Variants in IFNGR1 observed in about 807,000 individuals in gnomAD.
The protein encoded by IFNGR1 is AVP, type 2.
IFNGR1 carries 23 observed loss-of-function variants against 35.4 expected under a neutral mutation model. The ratio of observed to expected loss-of-function variants is 0.65; its 90% CI spans 0.47 to 0.92. IFNGR1 has a LOEUF of 0.92. Among genes scored for constraint, IFNGR1 ranks in the 40% least tolerant of loss-of-function variants. The pLI, the probability that IFNGR1 is intolerant of heterozygous loss-of-function variation, is 0.00. For synonymous variants in IFNGR1, 199 were observed against 209.5 expected (o/e 0.95, Z 0.43); for missense variants, 533 against 583.4 (o/e 0.91, Z 0.89).
chr6:137,210,097 T>A (rs1779539904), intron 1 of IFNGR1: 1 of 365,556 alleles, frequency 2.7e-6, no homozygotes, highest in South Asian at 1.5e-4. Flanking sequence ...ACACCTGTAA[T>A]CCCAGCATTT....
intron 5 of IFNGR1, among the ~76,000 whole-genome samples, chr6:137,202,909 A>G (rs1247150355): frequency 6.6e-6 from 1 of 152,168 alleles, no homozygotes; most frequent in African/African-American, 2.4e-5. Context: ...GACACCTGAG[A>G]GTAACAGTTC....
At chr6:137,215,437 A>T in intron 1 of IFNGR1, 6 of 1,057,122 alleles carry the variant, frequency 5.7e-6, no homozygotes, top group African/African-American at 1.6e-5. Context: ...CAAGACCTAA[A>T]CAGATACCTA....
chr6:137,215,983 T>A (rs1028703452), intron 1 of IFNGR1, among the ~76,000 whole-genome samples: 35 of 152,226 alleles, frequency 2.3e-4, no homozygotes, highest in African/African-American at 8.4e-4. Flanking sequence ...ATTACAGGCA[T>A]GAGCCACTGC....
chr6:137,200,798 T>C, intron 6 of IFNGR1, 83 bp downstream of exon 6: 1 of 1,176,912 alleles, frequency 8.5e-7, no homozygotes, highest in Non-Finnish European at 1.2e-6. Context: ...AATATCATTC[T>C]ACTTTAAAAA....
rs1347147642 is a variant in IFNGR1, at chr6:137,198,114, G to A, written c.1387C>T (p.Leu463=). 1 of 1,614,020 alleles carries A rather than the reference G, an allele frequency of 6.2e-7. No individual in the cohort carries two copies. The highest frequency in any genetic ancestry group is 1.3e-5 in the African/African-American group (1 of 74,906). The change falls in exon 7 of 7, where the codon CTA becomes TTA. Residue 463 remains leucine, a synonymous_variant. Coordinates refer to ENST00000367739, the MANE Select transcript of IFNGR1 (RefSeq NM_000416.3). The part of the protein sequence containing the change: ...TSFGYDKPHV[L]VDLLVDDSGK... The stretch of plus-strand genomic sequence containing the variant: ...CTATCATCCACAAGTAGATCCACTA[G>A]CACATGTGGTTTATCATAACCAAAG...
intron 6 of IFNGR1, among the ~76,000 whole-genome samples, chr6:137,199,768 T>C (rs1779233431): frequency 6.7e-6 from 1 of 150,370 alleles, no homozygotes; most frequent in Non-Finnish European, 1.5e-5. Flanking sequence ...ATCATTATAA[T>C]TTTTAGTAGC....
chr6:137,198,895 GT>G (rs1170808045), intron 6 of IFNGR1, among the ~76,000 whole-genome samples: 2 of 152,158 alleles, frequency 1.3e-5, no homozygotes, highest in African/African-American at 4.8e-5. Context: ...TTAATACTGA[GT>G]GTCAACTTGA....
chr6:137,212,173 T>C (rs1779590522), intron 1 of IFNGR1, among the ~76,000 whole-genome samples: 1 of 152,192 alleles, frequency 6.6e-6, no homozygotes, highest in African/African-American at 2.4e-5. Context: ...AAGGCTACAG[T>C]GTCACTCAGC....
intron 1 of IFNGR1, chr6:137,218,473 C>T (rs1429066962): frequency 4.7e-6 from 6 of 1,287,910 alleles, no homozygotes; most frequent in South Asian, 1.2e-5. Context: ...TAGTGAGTGC[C>T]GGCAATCCAC....
intron 1 of IFNGR1, among the ~76,000 whole-genome samples, chr6:137,211,491 T>C (rs1779572004): frequency 6.6e-6 from 1 of 152,222 alleles, no homozygotes; most frequent in Non-Finnish European, 1.5e-5. Context: ...TACTTCATAC[T>C]ACTAACTTGA....
chr6:137,213,369 T>C (rs1296586955), intron 1 of IFNGR1, among the ~76,000 whole-genome samples: 1 of 152,238 alleles, frequency 6.6e-6, no homozygotes, highest in Non-Finnish European at 1.5e-5. Context: ...TTTAGTGTAT[T>C]ACATCTGCAT....
At chr6:137,219,073 G>C (rs1246907736) in intron 1 of IFNGR1, 170 bp downstream of exon 1, 2 of 760,646 alleles carry the variant, frequency 2.6e-6, no homozygotes, top group Non-Finnish European at 4.2e-6. Flanking sequence ...AAACCACGGA[G>C]CCCCAGTCTC....
At position 137,198,637 on chromosome 6, in the gene IFNGR1, G is replaced by C. The variant is rs121913184; in HGVS notation, c.864C>G (p.Ile288Met). ...EKSIILPKSL[I>M]SVVRSATLET... The stretch of plus-strand genomic sequence containing the variant: ...CTAAAGTAGCACTTCTTACCACAGA[G>C]ATCTATGGGGAGAAAAATTGATTAA... The change falls in exon 7 of 7, where the codon ATC (isoleucine) becomes ATG (methionine). Residue 288 changes from isoleucine to methionine, a missense_variant and splice_region_variant. Ile to Met is a conservative substitution (Grantham distance 10). Transcript: ENST00000367739. The C allele has an allele frequency of 2.6e-5, 42 of 1,608,430 alleles. No homozygotes were observed. The African/African-American group carries it at 5.1e-4, about 19-fold the overall frequency.
intron 1 of IFNGR1, among the ~76,000 whole-genome samples, chr6:137,217,603 A>T (rs1326866700): frequency 1.3e-5 from 2 of 152,116 alleles, no homozygotes; most frequent in Non-Finnish European, 2.9e-5. Context: ...AGCTGTCAAT[A>T]CCCAGACAGA....
chr6:137,202,306 G>A (rs977622927), intron 5 of IFNGR1, among the ~76,000 whole-genome samples: 15 of 152,196 alleles, frequency 9.9e-5, no homozygotes, highest in African/African-American at 3.6e-4. Context: ...TCAGTGCAGT[G>A]TATAATTCAG....
intron 4 of IFNGR1, 63 bp downstream of exon 4, chr6:137,204,269 A>C: frequency 7.4e-7 from 1 of 1,349,996 alleles, no homozygotes; most frequent in South Asian, 1.2e-5. Flanking sequence ...ATTACACTAC[A>C]GAAAGGAACA....
chr6:137,205,670 C>A (rs546490193), intron 3 of IFNGR1, among the ~76,000 whole-genome samples: 4 of 152,242 alleles, frequency 2.6e-5, no homozygotes, highest in South Asian at 4.1e-4. Flanking sequence ...CTGGGCAGCA[C>A]AGACCCATAA....
intron 6 of IFNGR1, among the ~76,000 whole-genome samples, chr6:137,199,181 A>C (rs1779176801): frequency 6.6e-6 from 1 of 150,656 alleles, no homozygotes; most frequent in Non-Finnish European, 1.5e-5. Context: ...TGGAGCTTGG[A>C]CTGGCTCTCC....
Position 137,218,720 on chromosome 6 carries a change from T to C in IFNGR1, c.85+523A>G, listed in dbSNP as rs2114525204. On this transcript the variant is annotated intron_variant, in intron 1 of 6. Coordinates refer to ENST00000367739, the MANE Select transcript of IFNGR1 (RefSeq NM_000416.3). ...AGATCCGTTCTGAGAAATGGAGAAA[T>C]GTCCCCTTAGGCAATTTCTTCGGGC... 5 of 350,298 alleles carry C rather than the reference T, an allele frequency of 1.4e-5. 1 individual carries two copies. The highest frequency in any genetic ancestry group is 1.1e-4 in the South Asian group (5 of 47,146). The allele number at this position is 350,298 out of a possible 1,614,324, so 21.7% of individuals were successfully genotyped here. A position where few individuals can be genotyped will look rare whatever the true frequency, so the allele number is the denominator to read the frequency against.
Sources: gnomAD v4.1 joint callset for allele counts (sites outside exome capture counted in the v4.1 genomes callset) on GRCh38, gnomAD v4.1.1 for gene constraint, MANE v1.5 for transcripts, NCBI Gene and HGNC (gene_info 2026-07-23, HGNC 2026-07-21) for gene names.